The following IREB2 variants were observed in gnomAD, a reference collection of about 807,000 sequenced individuals.
The protein encoded by IREB2 is iron-responsive element-binding protein 2.
In IREB2, 39 loss-of-function variants were observed where a neutral mutation model predicts 118.8. The observed-to-expected ratio is 0.33, with a 90% CI of 0.25 to 0.43. IREB2 has a LOEUF of 0.43. Among genes scored for constraint, IREB2 ranks in the 20% least tolerant of loss-of-function variants. The probability of loss-of-function intolerance (pLI) is 1.00; values close to 1 mark genes in which losing one functional copy is unlikely to be tolerated. For missense variants in IREB2, 900 were observed against 1,147.3 expected (o/e 0.78, Z 3.11); for synonymous variants, 372 against 392.2 (o/e 0.95, Z 0.61).
chr15:78,444,342 G>T (rs1233888454), intron 2 of IREB2, among the ~76,000 whole-genome samples: 1 of 152,008 alleles, frequency 6.6e-6, no homozygotes, highest in African/African-American at 2.4e-5. Context: ...GAATGACTAT[G>T]TTGAATGAAG....
At chr15:78,460,547 C>T (rs975987034) in intron 2 of IREB2, among the ~76,000 whole-genome samples, 7 of 152,134 alleles carry the variant, frequency 4.6e-5, no homozygotes, top group South Asian at 2.1e-4. Context: ...TCTTTGGTTT[C>T]GGACACAAGA....
chr15:78,483,096 T>G (rs1337398054), intron 10 of IREB2, among the ~76,000 whole-genome samples: 1 of 152,184 alleles, frequency 6.6e-6, no homozygotes, highest in African/African-American at 2.4e-5. Flanking sequence ...CATACTGATC[T>G]ACTAGTCTTG....
chr15:78,457,281 A>G (rs545719999), intron 2 of IREB2, among the ~76,000 whole-genome samples: 2 of 151,880 alleles, frequency 1.3e-5, no homozygotes, highest in African/African-American at 2.4e-5. Context: ...CTTCTGGTCC[A>G]TCTGGGACTG....
intron 12 of IREB2, among the ~76,000 whole-genome samples, chr15:78,485,123 A>G (rs905975937): frequency 2.0e-5 from 3 of 152,244 alleles, no homozygotes; most frequent in East Asian, 1.9e-4. Flanking sequence ...ACTGTTTACT[A>G]TAACTTACCT....
rs1567170140 is a variant in IREB2, at chr15:78,465,361, A to T, written c.383A>T (p.His128Leu). 2 of 1,612,596 alleles carry T rather than the reference A, an allele frequency of 1.2e-6. No homozygotes were observed. Among genetic ancestry groups the T allele is most frequent in the Admixed American group, 1.7e-5 (1 of 59,518 alleles). ...TGTCCGACAGATCTTACAGTTGACC[A>T]TTCTTTACAAATTGACTTCAGTAAA... Reference protein sequence around the residue: ...PACPTDLTVDHSLQIDFSKCA... With the variant: ...PACPTDLTVDLSLQIDFSKCA... The change falls in exon 4 of 22, where the codon CAT (histidine) becomes CTT (leucine). Residue 128 changes from histidine (H) to leucine (L), a missense_variant. Transcript: ENST00000258886.
chr15:78,437,930 G>A (rs1488583344), upstream of IREB2, among the ~76,000 whole-genome samples: 1 of 152,198 alleles, frequency 6.6e-6, no homozygotes, highest in African/African-American at 2.4e-5. Context: ...TTGCGGGAAC[G>A]CAAACACCGC....
intron 14 of IREB2, 43 bp downstream of exon 14, chr15:78,487,860 A>C: frequency 8.3e-7 from 1 of 1,205,396 alleles, no homozygotes; most frequent in Non-Finnish European, 1.2e-6. Flanking sequence ...GATTTTCTTA[A>C]CTATGTTTTG....
chr15:78,490,776 C>G lies in IREB2; in HGVS notation c.2324+15C>G. 1.9e-6 allele frequency: 3 copies of G among 1,605,266 alleles called. No individual in the cohort carries two copies. The highest frequency in any genetic ancestry group is 2.5e-6 in the Non-Finnish European group (3 of 1,176,956). ...ACAAACAGAGGGTATGTGTACATGG[C>G]TTTAGAGTGTTTTTGTTTTTTCTTG... On this transcript the variant is annotated intron_variant, in intron 18 of 21. Coordinates refer to ENST00000258886, the MANE Select transcript of IREB2 (RefSeq NM_004136.4).
chr15:78,485,015 G>A (rs78433593), intron 12 of IREB2, 95 bp downstream of exon 12: 1 of 1,079,744 alleles, frequency 9.3e-7, no homozygotes, highest in Admixed American at 2.4e-5. Context: ...ATGCATGAGT[G>A]TCTACATTTG....
At chr15:78,444,628 A>G (rs147741508) in intron 2 of IREB2, among the ~76,000 whole-genome samples, 4 of 152,310 alleles carry the variant, frequency 2.6e-5, no homozygotes, top group African/African-American at 9.6e-5. Flanking sequence ...AGTTTTTATC[A>G]TTTAGAAGAA....
Position 78,497,115 on chromosome 15 carries a change from A to G in IREB2, c.2596-11A>G. On this transcript the variant is annotated splice_polypyrimidine_tract_variant and intron_variant, in intron 20 of 21. Coordinates refer to ENST00000258886, the MANE Select transcript of IREB2 (RefSeq NM_004136.4). ...AGTGATTAGAGGGAATAAAATGCAC[A>G]TTTATTACAGGGTGTGAAAGCTGTT... 1.9e-6 allele frequency: 3 copies of G among 1,604,436 alleles called. No homozygotes were observed. The South Asian group carries it at 3.3e-5, about 18-fold the overall frequency.
chr15:78,482,084 G>A (rs2051583893), intron 10 of IREB2, among the ~76,000 whole-genome samples: 1 of 152,044 alleles, frequency 6.6e-6, no homozygotes, highest in African/African-American at 2.4e-5. Flanking sequence ...AATTCACTTA[G>A]CCAGGCGTGG....
chr15:78,476,952 T>C (rs2051481688), intron 9 of IREB2, among the ~76,000 whole-genome samples: 1 of 152,234 alleles, frequency 6.6e-6, no homozygotes. Context: ...ATCTCTTTTT[T>C]TAATCTCTTT....
intron 2 of IREB2, among the ~76,000 whole-genome samples, chr15:78,448,184 A>G (rs112331361): frequency 0.035 from 5,386 of 152,278 alleles, 323 homozygotes; most frequent in African/African-American, 0.12. Flanking sequence ...TTGCTCTGTC[A>G]TCCCAGCTGG....
intron 2 of IREB2, among the ~76,000 whole-genome samples, chr15:78,442,809 A>G (rs965903191): frequency 6.6e-6 from 1 of 152,176 alleles, no homozygotes; most frequent in African/African-American, 2.4e-5. Context: ...ATTATGTCCA[A>G]GTTAAATTTT....
Position 78,438,346 on chromosome 15 carries a change from C to G in IREB2, c.9C>G (p.Ala3=). Residue 3 remains alanine, a synonymous_variant, in exon 1 of 22, where the codon GCC becomes GCG. Coordinates refer to ENST00000258886, the MANE Select transcript of IREB2 (RefSeq NM_004136.4). ...TAATATGGTCTCCGGCGATGGACGC[C>G]CCAAAAGCAGGTCAGTTTCGGGCCT... is the stretch of plus-strand genomic sequence containing the variant. MD[A]PKAGYAFEYL... 6.3e-7 allele frequency: 1 copy of G among 1,597,236 alleles called. No homozygotes were observed. Among genetic ancestry groups the G allele is most frequent in the Non-Finnish European group, 8.5e-7 (1 of 1,172,742 alleles).
chr15:78,467,450 G>C (rs1325660184), intron 5 of IREB2, among the ~76,000 whole-genome samples: 1 of 152,214 alleles, frequency 6.6e-6, no homozygotes, highest in African/African-American at 2.4e-5. Context: ...CCAGCACTTT[G>C]GGAGGCCGGG....
At position 78,494,174 on chromosome 15, in the gene IREB2, G is replaced by C. The variant is rs1376999005; in HGVS notation, c.2505G>C (p.Gln835His). The change falls in exon 20 of 22, where the codon CAG becomes CAC. Residue 835 changes from glutamine to histidine, a missense_variant. Gln to His is a conservative substitution (Grantham distance 24). Transcript: ENST00000258886. Reference sequence around the variant, plus strand: ...TATTTGAGGCTGCAGAGCTGTACCAGAAAGAAGGTATCCCACTGATTATTT... The same window carrying C: ...TATTTGAGGCTGCAGAGCTGTACCACAAAGAAGGTATCCCACTGATTATTT... Reference protein sequence around the residue: ...LDVFEAAELYQKEGIPLIILA... With the variant: ...LDVFEAAELYHKEGIPLIILA... The C allele has an allele frequency of 6.2e-7, 1 of 1,614,066 alleles. No homozygotes were observed. The highest frequency in any genetic ancestry group is 1.1e-5 in the South Asian group (1 of 91,092).
intron 2 of IREB2, among the ~76,000 whole-genome samples, chr15:78,455,831 A>G (rs952654431): frequency 6.6e-6 from 1 of 152,216 alleles, no homozygotes; most frequent in Non-Finnish European, 1.5e-5. Flanking sequence ...AAGCAACAGT[A>G]AAGATTTATG....
Sources: gnomAD v4.1 joint callset for allele counts (sites outside exome capture counted in the v4.1 genomes callset) on GRCh38, gnomAD v4.1.1 for gene constraint, MANE v1.5 for transcripts, NCBI Gene and HGNC (gene_info 2026-07-23, HGNC 2026-07-21) for gene names.